AURKA: variants seen among roughly 807,000 people sequenced by gnomAD.
The protein encoded by AURKA is aurora 2.
A neutral mutation model predicts 40.9 loss-of-function variants in AURKA; 12 were observed. That is an observed-to-expected ratio of 0.29 (90% CI 0.19 to 0.48). AURKA has a LOEUF of 0.48. Ranked by LOEUF, AURKA falls within the 20% of genes least tolerant of loss-of-function variation. The pLI, the probability that AURKA is intolerant of heterozygous loss-of-function variation, is 0.99. For missense variants in AURKA, 322 were observed against 462.1 expected, an observed-to-expected ratio of 0.70 and a Z score of 2.78; for synonymous variants, 170 against 164.3, an observed-to-expected ratio of 1.03 and a Z score of -0.26.
rs201506695 is a variant in AURKA at position 56,370,143 on chromosome 20, C to A, written c.*15G>T. ...TGGCAGCCCTGGCTCAAGGATTTCTCCCCCTGCACGATTCCTAAGACTGTT... is the reference window on the plus strand; with the variant it reads ...TGGCAGCCCTGGCTCAAGGATTTCTACCCCTGCACGATTCCTAAGACTGTT... On this transcript the variant is annotated 3_prime_UTR_variant, in exon 9 of 9. Coordinates refer to ENST00000395915, the MANE Select transcript of AURKA (RefSeq NM_198437.3). The A allele has an allele frequency of 1.2e-6, 2 of 1,612,134 alleles. No individual in the cohort carries two copies. Among genetic ancestry groups the A allele is most frequent in the South Asian group, 1.1e-5 (1 of 90,988 alleles).
At chr20:56,382,451 GA>G (rs1371368806) in intron 5 of AURKA, among the ~76,000 whole-genome samples, 1 of 151,912 alleles carries the variant, frequency 6.6e-6, no homozygotes, top group African/African-American at 2.4e-5. Flanking sequence ...AACACTGAAA[GA>G]AAAAAAGGAA....
At chr20:56,385,462 A>AT (rs199813313) in intron 3 of AURKA, among the ~76,000 whole-genome samples, 33,636 of 143,810 alleles carry the variant, frequency 0.23, 4,413 homozygotes, top group East Asian at 0.65. Context: ...TCCACAGTAA[A>AT]TTTTTTTTTT....
At chr20:56,386,570 T>G (rs1233152470) in intron 2 of AURKA, 37 bp from the exon 3 acceptor site, 1 of 1,612,188 alleles carries the variant, frequency 6.2e-7, no homozygotes, top group Admixed American at 1.7e-5. Context: ...CTGGCATTCA[T>G]GAAAGCAAAA....
At chr20:56,377,785 C>CA (rs758246507) in intron 6 of AURKA, among the ~76,000 whole-genome samples, 1,718 of 139,182 alleles carry the variant, frequency 0.012, 11 homozygotes, top group Non-Finnish European at 0.015. Context: ...GACTCCGTCT[C>CA]AAAAAAAAAA....
intron 5 of AURKA, 114 bp from the exon 6 acceptor site, chr20:56,381,685 C>T: frequency 2.4e-6 from 3 of 1,267,710 alleles, no homozygotes; most frequent in Non-Finnish European, 3.4e-6. Flanking sequence ...TGAAACCACA[C>T]TCCAAACCCC....
Position 56,382,974 on chromosome 20 carries a change from T to C in AURKA, c.566+11A>G. 1 of 1,613,198 alleles carries C rather than the reference T, an allele frequency of 6.2e-7. No individual in the cohort carries two copies. Among genetic ancestry groups the C allele is most frequent in the South Asian group, 1.1e-5 (1 of 91,034 alleles). ...GTGAACATTCTTTTGAACATGAACC[T>C]GAAAACTCACCGAAGGTGGGACTGT... On this transcript the variant is annotated intron_variant, in intron 5 of 8. Coordinates refer to ENST00000395915, the MANE Select transcript of AURKA (RefSeq NM_198437.3).
chr20:56,383,323 C>G (rs1384899905), intron 4 of AURKA, 147 bp from the exon 5 acceptor site: 9 of 867,296 alleles, frequency 1.0e-5, no homozygotes, highest in African/African-American at 1.7e-5. Flanking sequence ...GCAATAACCA[C>G]TATCAAAGAG....
chr20:56,383,710 C>T lies in AURKA; in HGVS notation c.375-534G>A, dbSNP rs1032336658. Among the ~76,000 whole-genome samples, 3 of 152,306 alleles carry T rather than the reference C, an allele frequency of 2.0e-5. No individual in the cohort carries two copies. The South Asian group carries it at 6.2e-4, about 32-fold the overall frequency. On this transcript the variant is annotated intron_variant, in intron 4 of 8. Transcript: ENST00000395915. ...AGAACCAGTGGATTTAGACTCTTAG[C>T]CTCTGTTAGACCGCTAAAAGCAAAA...
chr20:56,384,117 AT>A (rs1277433642), intron 4 of AURKA, among the ~76,000 whole-genome samples, 152 bp downstream of exon 4: 1 of 151,930 alleles, frequency 6.6e-6, no homozygotes, highest in Non-Finnish European at 1.5e-5. Flanking sequence ...ACAAAATTCC[AT>A]TTTTTTTAAG....
chr20:56,388,610 G>C (rs374185847), intron 1 of AURKA: 9 of 218,192 alleles, frequency 4.1e-5, no homozygotes, highest in African/African-American at 1.8e-4. Context: ...TCAAGAGTTC[G>C]AGACCAGCCT....
intron 7 of AURKA, among the ~76,000 whole-genome samples, chr20:56,372,301 G>A (rs926469029): frequency 1.6e-4 from 24 of 152,138 alleles, no homozygotes; most frequent in African/African-American, 5.1e-4. Context: ...GGACTGAATC[G>A]GGGGTTCTCA....
At chr20:56,382,063 CT>C (rs1985778636) in intron 5 of AURKA, among the ~76,000 whole-genome samples, 1 of 151,712 alleles carries the variant, frequency 6.6e-6, no homozygotes. Flanking sequence ...ACTCAGGAGG[CT>C]GAGGCAGGAG....
At chr20:56,380,184 G>A (rs575009943) in intron 6 of AURKA, among the ~76,000 whole-genome samples, 76 of 150,656 alleles carry the variant, frequency 5.0e-4, no homozygotes, top group South Asian at 1.3e-3. Context: ...GTGAAACCCC[G>A]TCTCTACTAA....
In AURKA at chr20:56,370,550, A is replaced by C. The variant is rs762567231; in HGVS notation, c.964T>G (p.Phe322Val). 7 of 1,614,194 alleles carry C rather than the reference A, an allele frequency of 4.3e-6. No homozygotes were observed. The Admixed American group carries it at 8.3e-5, about 19-fold the overall frequency. ...LWSLGVLCYE[F>V]LVGKPPFEAN... ...TCAAAAGGAGGCTTCCCAACTAAAA[A>C]TTCATAGCAAAGAACTCCAAGGCTC... is the stretch of plus-strand genomic sequence containing the variant. The change falls in exon 8 of 9, where the codon TTT (phenylalanine) becomes GTT (valine). Residue 322 changes from phenylalanine to valine, a missense_variant. Phe to Val is a conservative substitution (Grantham distance 50). Coordinates refer to ENST00000395915, the MANE Select transcript of AURKA (RefSeq NM_198437.3).
chr20:56,386,922 TAAGAAA>T lies in AURKA; in HGVS notation c.43-395_43-390del, dbSNP rs1986446640. ...TGAAATTTCTTTGATAATATACGTT[TAAGAAA>T]AAGACCAAAAAAAAATACGTCAAAA... is the stretch of plus-strand genomic sequence containing the variant. On this transcript the variant is annotated intron_variant, in intron 2 of 8. Coordinates refer to ENST00000395915, the MANE Select transcript of AURKA (RefSeq NM_198437.3). Among the ~76,000 whole-genome samples, 6 of 144,388 alleles carry T rather than the reference TAAGAAA, an allele frequency of 4.2e-5. No homozygotes were observed. The South Asian group carries it at 1.2e-3, about 28-fold the overall frequency. 94.7% of individuals were successfully genotyped at this position (144,388 alleles called of 152,430 possible). A position where few individuals can be genotyped will look rare whatever the true frequency, so the allele number is the denominator to read the frequency against.
In AURKA at chr20:56,373,680, G is replaced by A; in HGVS notation, c.706-124C>T. 1.8e-6 allele frequency: 2 copies of A among 1,117,136 alleles called. No homozygotes were observed. The highest frequency in any genetic ancestry group is 2.6e-6 in the Non-Finnish European group (2 of 766,088). 69.2% of individuals were successfully genotyped at this position (1,117,136 alleles called of 1,614,324 possible). ...GGTTTGCAGGTTTTGGCCAGGCACA[G>A]TGGCTCACACCTATAATCCCAACAC... On this transcript the variant is annotated intron_variant, in intron 6 of 8. Coordinates refer to ENST00000395915, the MANE Select transcript of AURKA (RefSeq NM_198437.3). This position sits in a 1 kb window ranked among gnomAD's most constrained non-coding sequence, Gnocchi z 5.0.
rs1031527931 is a variant in AURKA, at chr20:56,370,596, A to G, written c.918T>C (p.His306=). 6.2e-7 allele frequency: 1 copy of G among 1,614,210 alleles called. No homozygotes were observed. ...GGCTCCAGAGATCCACCTTCTCATC[A>G]TGCATCCGACCTTCAATCATTTCAG... The part of the protein sequence containing the change: ...LPPEMIEGRM[H]DEKVDLWSLG... Residue 306 remains histidine, a synonymous_variant, in exon 8 of 9, where the codon CAT becomes CAC. Transcript: ENST00000395915.
Position 56,370,180 on chromosome 20 carries a change from T to A in AURKA, c.1190A>T (p.Glu397Val). The A allele has an allele frequency of 6.2e-7, 1 of 1,613,008 alleles. No individual in the cohort carries two copies. Among genetic ancestry groups the A allele is most frequent in the Non-Finnish European group, 8.5e-7 (1 of 1,180,014 alleles). Reference sequence around the variant, plus strand: ...TTCCTAAGACTGTTTGCTAGCTGATTCTTTGTTTTGGCAATTTGATGGTTT... The same window carrying A: ...TTCCTAAGACTGTTTGCTAGCTGATACTTTGTTTTGGCAATTTGATGGTTT... The part of the protein sequence containing the change: ...SSKPSNCQNK[E>V]SASKQS The change falls in exon 9 of 9, where the codon GAA becomes GTA. Residue 397 changes from glutamate (E) to valine (V), a missense_variant. By Grantham distance (121) the Glu-to-Val change is moderately radical. Coordinates refer to ENST00000395915, the MANE Select transcript of AURKA (RefSeq NM_198437.3).
At position 56,384,296 on chromosome 20, in the gene AURKA, T is replaced by G; in HGVS notation, c.348A>C (p.Ser116=). ...PENNPEEELA[S]KQKNEESKKR... ...TTTTTGATTCTTCATTTTTCTGTTT[T>G]GATGCCAGTTCCTCCTCAGGATTAT... is the stretch of plus-strand genomic sequence containing the variant. Residue 116 remains serine, a synonymous_variant, in exon 4 of 9, where the codon TCA becomes TCC. Coordinates refer to ENST00000395915, the MANE Select transcript of AURKA (RefSeq NM_198437.3). 5.0e-6 allele frequency: 8 copies of G among 1,602,178 alleles called. No individual in the cohort carries two copies. The highest frequency in any genetic ancestry group is 6.0e-6 in the Non-Finnish European group (7 of 1,170,246).
Sources: allele counts gnomAD v4.1 joint callset (sites outside exome capture counted in the v4.1 genomes callset), GRCh38; gene constraint gnomAD v4.1.1; non-coding constraint Gnocchi (gnomAD v3.1); transcripts MANE v1.5; gene names NCBI Gene and HGNC (gene_info 2026-07-23, HGNC 2026-07-21).